The following TSPAN5 variants were observed in gnomAD, a reference collection of about 807,000 sequenced individuals.
The protein encoded by TSPAN5 is tetraspanin-5.
A neutral mutation model predicts 37.1 loss-of-function variants in TSPAN5; 10 were observed. The observed-to-expected ratio is 0.27, with a 90% CI of 0.17 to 0.46. TSPAN5 has a LOEUF of 0.46. TSPAN5 is among the 20% of genes least tolerant of loss of function. The probability of loss-of-function intolerance (pLI) is 1.00; values close to 1 mark genes in which losing one functional copy is unlikely to be tolerated. For synonymous variants in TSPAN5, 110 were observed against 118.9 expected (o/e 0.93, Z 0.48); for missense variants, 195 against 326.6 (o/e 0.60, Z 3.11).
intron 1 of TSPAN5, among the ~76,000 whole-genome samples, chr4:98,614,219 T>C (rs1161232840): frequency 1.3e-5 from 2 of 151,718 alleles, no homozygotes; most frequent in Non-Finnish European, 2.9e-5. Context: ...ATGAACTGCC[T>C]AAAACTTTGG....
intron 1 of TSPAN5, among the ~76,000 whole-genome samples, chr4:98,528,748 C>G (rs1010131136): frequency 6.6e-6 from 1 of 152,050 alleles, no homozygotes; most frequent in Non-Finnish European, 1.5e-5. Flanking sequence ...AAAACAGGAA[C>G]TTTTTTTATT....
chr4:98,479,583 G>A (rs1024760563), intron 4 of TSPAN5, among the ~76,000 whole-genome samples: 1 of 152,134 alleles, frequency 6.6e-6, no homozygotes, highest in African/African-American at 2.4e-5. Flanking sequence ...CACATGAGGG[G>A]CACCTGTCCA....
rs1490356576 is a variant in TSPAN5 at position 98,595,736 on chromosome 4, T to C, written c.81+62410A>G. Among the ~76,000 whole-genome samples, 7 of 100,190 alleles carry C rather than the reference T, an allele frequency of 7.0e-5. 1 individual carries two copies. Among genetic ancestry groups the C allele is most frequent in the East Asian group, 6.8e-4 (2 of 2,958 alleles). 65.7% of individuals were successfully genotyped at this position (100,190 alleles called of 152,430 possible). On this transcript the variant is annotated intron_variant, in intron 1 of 7. Coordinates refer to ENST00000305798, the MANE Select transcript of TSPAN5 (RefSeq NM_005723.4). ...AGCAGGTTGTTCAGTTTCCATGTAG[T>C]TGAGCGGCTTTGAGTGAGATTCTTA...
rs994528367 is a variant in TSPAN5, at chr4:98,599,283, T to A, written c.81+58863A>T. Among the ~76,000 whole-genome samples the A allele has an allele frequency of 3.3e-5, 5 of 152,230 alleles. No individual in the cohort carries two copies. In the East Asian group the frequency reaches 9.7e-4, roughly 29 times the overall value. ...AGCCTCCTGAGTAGGTAAGACTACGTGCACATGCCACCATGCCCAGCAAAA... is the reference window on the plus strand; with the variant it reads ...AGCCTCCTGAGTAGGTAAGACTACGAGCACATGCCACCATGCCCAGCAAAA... On this transcript the variant is annotated intron_variant, in intron 1 of 7. Coordinates refer to ENST00000305798, the MANE Select transcript of TSPAN5 (RefSeq NM_005723.4).
At chr4:98,583,431 G>T (rs1755413498) in intron 1 of TSPAN5, among the ~76,000 whole-genome samples, 1 of 151,834 alleles carries the variant, frequency 6.6e-6, no homozygotes, top group Admixed American at 6.6e-5. Context: ...CCTCCACCAG[G>T]CCCCAGGGTG....
intron 2 of TSPAN5, among the ~76,000 whole-genome samples, chr4:98,490,547 A>G (rs987469017): frequency 6.6e-6 from 1 of 152,216 alleles, no homozygotes; most frequent in Non-Finnish European, 1.5e-5. Context: ...GCAAAGATAG[A>G]GCTGCAAACA....
chr4:98,531,635 G>A (rs1487875988), intron 1 of TSPAN5, among the ~76,000 whole-genome samples: 1 of 152,086 alleles, frequency 6.6e-6, no homozygotes, highest in African/African-American at 2.4e-5. Context: ...TTGAGGAATC[G>A]CCACACTGTC....
At chr4:98,648,425 G>A (rs1560573455) in intron 1 of TSPAN5, among the ~76,000 whole-genome samples, 1 of 152,142 alleles carries the variant, frequency 6.6e-6, no homozygotes, top group South Asian at 2.1e-4. Flanking sequence ...ACTGACACAC[G>A]CAGAGTGGTC....
chr4:98,626,594 C>T (rs1161631621), intron 1 of TSPAN5, among the ~76,000 whole-genome samples: 1 of 152,032 alleles, frequency 6.6e-6, no homozygotes, highest in Non-Finnish European at 1.5e-5. Context: ...CCCTGGCCCA[C>T]CTGGTGCAGC....
chr4:98,533,949 A>AAAAAAAACAAC lies in TSPAN5; in HGVS notation c.82-26222_82-26221insGTTGTTTTTTT, dbSNP rs1553912218. Reference sequence around the variant, plus strand: ...CCATTTTGTTGATCTTAAAAAAAAAAAAAAAAAAAAAAACCAGCTCCTGGA... The same window carrying AAAAAAAACAAC: ...CCATTTTGTTGATCTTAAAAAAAAAAAAAAAAACAACAAAAAAAAAAAAACCAGCTCCTGGA... On this transcript the variant is annotated intron_variant, in intron 1 of 7. Coordinates refer to ENST00000305798, the MANE Select transcript of TSPAN5 (RefSeq NM_005723.4). Among the ~76,000 whole-genome samples, 1,127 of 143,538 alleles carry AAAAAAAACAAC rather than the reference A, an allele frequency of 7.9e-3. 35 individuals carry two copies. Among genetic ancestry groups the AAAAAAAACAAC allele is most frequent in the Non-Finnish European group, 0.015 (983 of 65,390 alleles). The allele number at this position is 143,538 out of a possible 152,430, so 94.2% of individuals were successfully genotyped here.
chr4:98,531,030 C>T (rs1351204254), intron 1 of TSPAN5, among the ~76,000 whole-genome samples: 1 of 152,176 alleles, frequency 6.6e-6, no homozygotes, highest in South Asian at 2.1e-4. Flanking sequence ...CCTCAGCCTT[C>T]TGAGTAGCTG....
chr4:98,548,886 G>GGGGT (rs373285784), intron 1 of TSPAN5, among the ~76,000 whole-genome samples: 2,595 of 57,424 alleles, frequency 0.045, 64 homozygotes, highest in African/African-American at 0.099. Context: ...AGTATTCCAA[G>GGGGT]GTGTGTGTGT....
intron 5 of TSPAN5, among the ~76,000 whole-genome samples, chr4:98,477,312 G>A (rs1752724769): frequency 1.3e-5 from 2 of 152,242 alleles, no homozygotes; most frequent in African/African-American, 2.4e-5. Context: ...AAGGGCAGCT[G>A]GCGGGGCAGC....
chr4:98,532,562 G>A (rs1379189877), intron 1 of TSPAN5, among the ~76,000 whole-genome samples: 1 of 152,192 alleles, frequency 6.6e-6, no homozygotes, highest in East Asian at 1.9e-4. Context: ...CTTTGCTGAA[G>A]TTGCTTATCA....
At chr4:98,573,819 T>C (rs1755176896) in intron 1 of TSPAN5, among the ~76,000 whole-genome samples, 1 of 152,204 alleles carries the variant, frequency 6.6e-6, no homozygotes, top group African/African-American at 2.4e-5. Flanking sequence ...AAAATGTACA[T>C]ACAGCTTAAA....
Position 98,658,280 on chromosome 4 carries a change from G to T in TSPAN5, c.-54C>A. 6.9e-7 allele frequency: 1 copy of T among 1,443,480 alleles called. No homozygotes were observed. 89.4% of individuals were successfully genotyped at this position (1,443,480 alleles called of 1,614,324 possible). ...GGCAGCCCGAGTTTGGAGCTCCGAA[G>T]CACCGTTGCTCGGAGCAGCCCGGCG... is the stretch of plus-strand genomic sequence containing the variant. On this transcript the variant is annotated 5_prime_UTR_variant, in exon 1 of 8. Transcript: ENST00000305798.
intron 1 of TSPAN5, among the ~76,000 whole-genome samples, chr4:98,606,510 T>C (rs937691020): frequency 1.3e-5 from 2 of 152,174 alleles, no homozygotes; most frequent in Non-Finnish European, 2.9e-5. Flanking sequence ...ACTATGTAAG[T>C]GTCTAAATAT....
Position 98,644,686 on chromosome 4 carries a change from A to G in TSPAN5, c.81+13460T>C, listed in dbSNP as rs138344236. ...ACTCATTCCAAAGCTGACCATAAGC[A>G]ATACCTATAGTAACTTGAAAGAGGA... On this transcript the variant is annotated intron_variant, in intron 1 of 7. Transcript: ENST00000305798. 1.7e-3 allele frequency among the ~76,000 whole-genome samples: 262 copies of G among 152,326 alleles called. 1 individual carries two copies. Among genetic ancestry groups the G allele is most frequent in the African/African-American group, 6.0e-3 (248 of 41,562 alleles).
At chr4:98,485,477 G>T (rs1752939977) in intron 3 of TSPAN5, 1 of 152,212 alleles carries the variant, frequency 6.6e-6, no homozygotes, top group Admixed American at 6.5e-5. Context: ...AGCCACTGTG[G>T]TCCCATGTAT....
Sources: allele counts gnomAD v4.1 joint callset (sites outside exome capture counted in the v4.1 genomes callset), GRCh38; gene constraint gnomAD v4.1.1; transcripts MANE v1.5; gene names NCBI Gene and HGNC (gene_info 2026-07-23, HGNC 2026-07-21).